The following GGN variants were observed in gnomAD, a reference collection of about 807,000 sequenced individuals.
The protein encoded by GGN is gametogenetin.
Under a neutral mutation model 35.5 loss-of-function variants are expected in GGN, and 27 were observed. The ratio of observed to expected loss-of-function variants is 0.76; its 90% CI spans 0.56 to 1.05. The LOEUF (loss-of-function observed/expected upper bound fraction) is 1.05. Ranked by LOEUF, GGN falls within the 50% of genes least tolerant of loss-of-function variation. GGN has a pLI of 0.00. For missense variants in GGN, 1,006 were observed against 940.7 expected, an observed-to-expected ratio of 1.07 and a Z score of -0.91; for synonymous variants, 425 against 444.1, an observed-to-expected ratio of 0.96 and a Z score of 0.54.
At position 38,386,831 on chromosome 19, in the gene GGN, G is replaced by C; in HGVS notation, c.431C>G (p.Pro144Arg). 6.2e-7 allele frequency: 1 copy of C among 1,606,154 alleles called. No individual in the cohort carries two copies. Among genetic ancestry groups the C allele is most frequent in the Non-Finnish European group, 8.5e-7 (1 of 1,175,930 alleles). Residue 144 changes from proline (P) to arginine (R), a missense_variant, in exon 3 of 4, where the codon CCG becomes CGG. Transcript: ENST00000334928. ...GDPPSLRPLKPPPPPRQLSVK... is the reference protein window; with the variant it reads ...GDPPSLRPLKRPPPPRQLSVK... Reference sequence around the variant, plus strand: ...GGATAGTTGCCGGGGCGGCGGCGGCGGCTTCAGCGGGCGGAGGCTCGGAGG... The same window carrying C: ...GGATAGTTGCCGGGGCGGCGGCGGCCGCTTCAGCGGGCGGAGGCTCGGAGG...
chr19:38,387,108 G>T lies in GGN; in HGVS notation c.154C>A (p.Pro52Thr). The change falls in exon 3 of 4, where the codon CCT becomes ACT. Residue 52 changes from proline to threonine, a missense_variant. By Grantham distance (38) the Pro-to-Thr change is conservative (BLOSUM62 -1). Coordinates refer to ENST00000334928, the MANE Select transcript of GGN (RefSeq NM_152657.4). This position sits in a 1 kb window ranked among gnomAD's most constrained non-coding sequence, Gnocchi z 5.3. ...AGTCCCGGGGGTGTGGCGCTGCCAGGGAACCAGACACCCAGCCCACGAGTC... is the reference window on the plus strand; with the variant it reads ...AGTCCCGGGGGTGTGGCGCTGCCAGTGAACCAGACACCCAGCCCACGAGTC... ...RLTRGLGVWF[P>T]GSATPPGLMV... 1 of 1,560,768 alleles carries T rather than the reference G, an allele frequency of 6.4e-7. No individual in the cohort carries two copies.
At chr19:38,384,575 G>T in intron 3 of GGN, 46 bp from the exon 4 acceptor site, 1 of 1,422,860 alleles carries the variant, frequency 7.0e-7, no homozygotes, top group Non-Finnish European at 9.9e-7. Flanking sequence ...ATGGGACCAG[G>T]CCTCTAGCCC....
chr19:38,387,203 G>C lies in GGN; in HGVS notation c.59C>G (p.Ser20Trp), dbSNP rs12977942. 1.3e-6 allele frequency: 2 copies of C among 1,595,164 alleles called. No homozygotes were observed. The highest frequency in any genetic ancestry group is 2.3e-5 in the South Asian group (2 of 88,234). ...AGGGSRKVQPSDRAPDSRRTS... is the reference protein window; with the variant it reads ...AGGGSRKVQPWDRAPDSRRTS... ...CCGGCGGGAGTCGGGGGCGCGGTCC[G>C]AGGGCTGCACTTTTCGGGAGCCCCC... The change falls in exon 3 of 4, where the codon TCG becomes TGG. Residue 20 changes from serine (S) to tryptophan (W), a missense_variant. By Grantham distance (177) the Ser-to-Trp change is radical (BLOSUM62 -3). Coordinates refer to ENST00000334928, the MANE Select transcript of GGN (RefSeq NM_152657.4). The surrounding 1 kb of genome is among the most constrained non-coding windows in gnomAD (Gnocchi z 5.3).
chr19:38,387,363 G>T lies in GGN; in HGVS notation c.-19-83C>A. On this transcript the variant is annotated intron_variant, in intron 2 of 3. Coordinates refer to ENST00000334928, the MANE Select transcript of GGN (RefSeq NM_152657.4). The surrounding 1 kb of genome is among the most constrained non-coding windows in gnomAD (Gnocchi z 5.3). ...TGGCTGTACTTGATCTAATGCGTCC[G>T]CACCGGCCCCGCCCCTGTTCTCCAA... 1 of 1,444,390 alleles carries T rather than the reference G, an allele frequency of 6.9e-7. No individual in the cohort carries two copies. The highest frequency in any genetic ancestry group is 1.4e-5 in the African/African-American group (1 of 69,944). 89.5% of individuals were successfully genotyped at this position (1,444,390 alleles called of 1,614,324 possible).
At position 38,385,924 on chromosome 19, in the gene GGN, C is replaced by A; in HGVS notation, c.1338G>T (p.Pro446=). The A allele has an allele frequency of 6.3e-7, 1 of 1,575,272 alleles. No homozygotes were observed. The stretch of plus-strand genomic sequence containing the variant: ...GGAGCGCTGGTGGCTGCAGTGTGGG[C>A]GGCGGTGTGGGCGGTGGCAGCGGTG... ...ELPPLPPPTP[P]PTLQPPALQP... is the part of the protein sequence containing the mutation. The change falls in exon 3 of 4, where the codon CCG becomes CCT. Residue 446 remains proline, a synonymous_variant. Transcript: ENST00000334928.
chr19:38,384,922 G>T (rs1244476531), intron 3 of GGN, among the ~76,000 whole-genome samples: 1 of 152,210 alleles, frequency 6.6e-6, no homozygotes, highest in Non-Finnish European at 1.5e-5. Context: ...GAAGCCTTGA[G>T]TCCCAGAGTC....
Position 38,387,524 on chromosome 19 carries a change from T to A in GGN, c.-20+237A>T, listed in dbSNP as rs1970754761. Among the ~76,000 whole-genome samples, 1 of 152,126 alleles carries A rather than the reference T, an allele frequency of 6.6e-6. No individual in the cohort carries two copies. Among genetic ancestry groups the A allele is most frequent in the Non-Finnish European group, 1.5e-5 (1 of 68,010 alleles). The stretch of plus-strand genomic sequence containing the variant: ...AGCCCCATTATGTACTAAGGTTCCA[T>A]GCCTGTCCCCTTGGCTGGTCATGCT... On this transcript the variant is annotated intron_variant, in intron 2 of 3. Transcript: ENST00000334928. The surrounding 1 kb of genome is among the most constrained non-coding windows in gnomAD (Gnocchi z 5.3).
rs1454608118 is a variant in GGN, at chr19:38,385,904, G to C, written c.1358C>G (p.Ala453Gly). The part of the protein sequence containing the change: ...PTPPPTLQPP[A>G]LQPTPLPVAP... ...CACCGGCAGCGGCGTTGGCTGGAGC[G>C]CTGGTGGCTGCAGTGTGGGCGGCGG... Residue 453 changes from alanine (A) to glycine (G), a missense_variant, in exon 3 of 4, where the codon GCG (alanine) becomes GGG (glycine). Transcript: ENST00000334928. 6.4e-7 allele frequency: 1 copy of C among 1,562,784 alleles called. No homozygotes were observed. The highest frequency in any genetic ancestry group is 1.8e-4 in the Middle Eastern group (1 of 5,556).
Position 38,387,307 on chromosome 19 carries a change from G to A in GGN, c.-19-27C>T, listed in dbSNP as rs1398662338. On this transcript the variant is annotated intron_variant, in intron 2 of 3. Coordinates refer to ENST00000334928, the MANE Select transcript of GGN (RefSeq NM_152657.4). This position sits in a 1 kb window ranked among gnomAD's most constrained non-coding sequence, Gnocchi z 5.3. ...TAGTCAGAAAAATTTACTCCAGTCA[G>A]CCTGCCAGGGCCGTGGGGACCCTAC... 4.6e-6 allele frequency: 7 copies of A among 1,520,362 alleles called. No homozygotes were observed. The African/African-American group carries it at 8.3e-5, about 18-fold the overall frequency. 94.2% of individuals were successfully genotyped at this position (1,520,362 alleles called of 1,614,324 possible). A position where few individuals can be genotyped will look rare whatever the true frequency, so the allele number is the denominator to read the frequency against.
Position 38,386,414 on chromosome 19 carries a change from A to G in GGN, c.848T>C (p.Ile283Thr), listed in dbSNP as rs778236481. Residue 283 changes from isoleucine to threonine, a missense_variant, in exon 3 of 4, where the codon ATC (isoleucine) becomes ACC (threonine). Ile to Thr is a moderately conservative substitution (Grantham distance 89). Coordinates refer to ENST00000334928, the MANE Select transcript of GGN (RefSeq NM_152657.4). ...TTGCTTCAGGACCTCGGCGTAAGAG[A>G]TGGCACCTGAGGCAGCAAAGAGGCC... is the stretch of plus-strand genomic sequence containing the variant. ...GGGLFAASGA[I>T]SYAEVLKQGP... 2.5e-6 allele frequency: 4 copies of G among 1,612,722 alleles called. No homozygotes were observed. The Admixed American group carries it at 6.7e-5, about 27-fold the overall frequency.
intron 3 of GGN, 97 bp downstream of exon 3, chr19:38,385,324 C>G: frequency 2.6e-6 from 4 of 1,516,328 alleles, no homozygotes; most frequent in Non-Finnish European, 3.6e-6. Flanking sequence ...GAGATGAAGG[C>G]CACGGGTCAT....
rs763230344 is a variant in GGN, at chr19:38,386,104, A to G, written c.1158T>C (p.Pro386=). ...PRRRAAALSG[P]WGSPPPPPEQ... ...CTGGTGGTGGCGGAGGGGAGCCCCAAGGCCCAGAGAGTGCGGCCGCACGCC... is the reference window on the plus strand; with the variant it reads ...CTGGTGGTGGCGGAGGGGAGCCCCAGGGCCCAGAGAGTGCGGCCGCACGCC... Residue 386 remains proline (P), a synonymous_variant, in exon 3 of 4, where the codon CCT becomes CCC. Transcript: ENST00000334928. 1 of 1,582,040 alleles carries G rather than the reference A, an allele frequency of 6.3e-7. No homozygotes were observed. Among genetic ancestry groups the G allele is most frequent in the South Asian group, 1.1e-5 (1 of 88,066 alleles).
rs145717888 is a variant in GGN, at chr19:38,384,438, C to T, written c.1933G>A (p.Asp645Asn). The T allele has an allele frequency of 9.3e-6, 15 of 1,613,872 alleles. No individual in the cohort carries two copies. Among genetic ancestry groups the T allele is most frequent in the South Asian group, 5.5e-5 (5 of 91,070 alleles). ...CAGTTGGAATGGGTGGCCTGCAAGT[C>T]GTAGTGCTCCAGCTTGGCCACCAGA... The part of the protein sequence containing the change: ...GSLVAKLEHY[D>N]LQATHSN Residue 645 changes from aspartate (D) to asparagine (N), a missense_variant, in exon 4 of 4, where the codon GAC (aspartate) becomes AAC (asparagine). Asp to Asn is a conservative substitution (Grantham distance 23, BLOSUM62 1). Transcript: ENST00000334928.
rs530554685 is a variant in GGN at position 38,386,168 on chromosome 19, C to T, written c.1094G>A (p.Arg365His). 6.9e-6 allele frequency: 11 copies of T among 1,594,506 alleles called. No homozygotes were observed. In the South Asian group the frequency reaches 7.8e-5, roughly 11 times the overall value. ...SAPDGPERHF[R>H]FNGAGGGIGA... ...GATGCCTCCGCCAGCCCCGTTGAAG[C>T]GGAAGTGGCGTTCAGGGCCGTCGGG... The change falls in exon 3 of 4, where the codon CGC becomes CAC. Residue 365 changes from arginine to histidine, a missense_variant. Physicochemically the swap from Arg to His is conservative, Grantham distance 29 (BLOSUM62 0). Coordinates refer to ENST00000334928, the MANE Select transcript of GGN (RefSeq NM_152657.4).
rs1211539272 is a variant in GGN at position 38,386,422 on chromosome 19, T to C, written c.840A>G (p.Ser280=). ...GGGGGGLFAA[S]GAISYAEVLK... ...GGACCTCGGCGTAAGAGATGGCACC[T>C]GAGGCAGCAAAGAGGCCGCCGCCTC... The change falls in exon 3 of 4, where the codon TCA becomes TCG. Residue 280 remains serine (S), a synonymous_variant. Transcript: ENST00000334928. The C allele has an allele frequency of 6.8e-6, 11 of 1,612,756 alleles. No individual in the cohort carries two copies. Among genetic ancestry groups the C allele is most frequent in the Non-Finnish European group, 9.3e-6 (11 of 1,179,936 alleles).
chr19:38,385,905 C>T lies in GGN; in HGVS notation c.1357G>A (p.Ala453Thr), dbSNP rs1175613939. The T allele has an allele frequency of 1.3e-6, 2 of 1,563,694 alleles. No homozygotes were observed. Among genetic ancestry groups the T allele is most frequent in the Admixed American group, 1.9e-5 (1 of 52,590 alleles). The part of the protein sequence containing the change: ...PTPPPTLQPP[A>T]LQPTPLPVAP... ...ACCGGCAGCGGCGTTGGCTGGAGCGCTGGTGGCTGCAGTGTGGGCGGCGGT... is the reference window on the plus strand; with the variant it reads ...ACCGGCAGCGGCGTTGGCTGGAGCGTTGGTGGCTGCAGTGTGGGCGGCGGT... The change falls in exon 3 of 4, where the codon GCG becomes ACG. Residue 453 changes from alanine (A) to threonine (T), a missense_variant. Ala to Thr is a moderately conservative substitution (Grantham distance 58, BLOSUM62 0). Coordinates refer to ENST00000334928, the MANE Select transcript of GGN (RefSeq NM_152657.4).
Position 38,385,667 on chromosome 19 carries a change from C to T in GGN, c.1595G>A (p.Arg532His). Residue 532 changes from arginine (R) to histidine (H), a missense_variant, in exon 3 of 4, where the codon CGT becomes CAT. By Grantham distance (29) the Arg-to-His change is conservative. Transcript: ENST00000334928. ...CTTACGGGTCGCGCCCCGGGCTGCA[C>T]GGGAACCCTTGTTCCTGCGCGTGCG... ...KTRTRRNKGS[R>H]AARGATRKDG... The T allele has an allele frequency of 6.2e-7, 1 of 1,613,762 alleles. No homozygotes were observed. The highest frequency in any genetic ancestry group is 8.5e-7 in the Non-Finnish European group (1 of 1,179,946).
rs1407831744 is a variant in GGN at position 38,386,517 on chromosome 19, A to C, written c.745T>G (p.Ser249Ala). 7 of 1,612,896 alleles carry C rather than the reference A, an allele frequency of 4.3e-6. No homozygotes were observed. The Admixed American group carries it at 5.0e-5, about 12-fold the overall frequency. The change falls in exon 3 of 4, where the codon TCG becomes GCG. Residue 249 changes from serine to alanine, a missense_variant. Transcript: ENST00000334928. ...LSLLCKITFKSRPSLAPPAAS... is the reference protein window; with the variant it reads ...LSLLCKITFKARPSLAPPAAS... ...GCCGGAGGGGCCAAAGAGGGCCTCG[A>C]CTTGAAGGTGATTTTACACAGCAGG...
At position 38,386,873 on chromosome 19, in the gene GGN, T is replaced by C. The variant is rs2145140937; in HGVS notation, c.389A>G (p.His130Arg). Residue 130 changes from histidine to arginine, a missense_variant, in exon 3 of 4, where the codon CAT becomes CGT. His to Arg is a conservative substitution (Grantham distance 29, BLOSUM62 0). Coordinates refer to ENST00000334928, the MANE Select transcript of GGN (RefSeq NM_152657.4). ...GCTCGGAGGGTCGCCCTGGCCGCGATGGCTCGCCTCCAGCAGGCGGCGGAT... is the reference window on the plus strand; with the variant it reads ...GCTCGGAGGGTCGCCCTGGCCGCGACGGCTCGCCTCCAGCAGGCGGCGGAT... ...PRIRRLLEAS[H>R]RGQGDPPSLR... is the part of the protein sequence containing the mutation. 1 of 1,585,828 alleles carries C rather than the reference T, an allele frequency of 6.3e-7. No homozygotes were observed. Among genetic ancestry groups the C allele is most frequent in the Admixed American group, 1.8e-5 (1 of 55,360 alleles).
Sources: gnomAD v4.1 joint callset for allele counts (sites outside exome capture counted in the v4.1 genomes callset) on GRCh38, gnomAD v4.1.1 for gene constraint, Gnocchi (gnomAD v3.1) non-coding constraint, MANE v1.5 for transcripts, NCBI Gene and HGNC (gene_info 2026-07-23, HGNC 2026-07-21) for gene names.